The following CSMD1 variants were observed in gnomAD, a reference collection of about 807,000 sequenced individuals.
The protein encoded by CSMD1 is CUB and Sushi multiple domains 1.
CSMD1 carries 213 observed loss-of-function variants against 417.5 expected under a neutral mutation model. The observed-to-expected ratio is 0.51, with a 90% confidence interval of 0.46 to 0.57. CSMD1 has a LOEUF of 0.57. CSMD1 is among the 20% of genes least tolerant of loss of function. The probability of loss-of-function intolerance (pLI) is 0.00; values close to 1 mark genes in which losing one functional copy is unlikely to be tolerated. For synonymous variants in CSMD1, 2,862 were observed against 1,736.8 expected (o/e 1.65, Z -16.11); for missense variants, 6,923 against 4,529.7 (o/e 1.53, Z -15.17).
chr8:3,312,120 A>G (rs989692983), intron 23 of CSMD1, among the ~76,000 whole-genome samples: 4 of 152,196 alleles, frequency 2.6e-5, no homozygotes, highest in Non-Finnish European at 5.9e-5. Context: ...AGCAAAGAAA[A>G]AAGATGTATC....
chr8:3,848,744 A>G (rs1220485633), intron 5 of CSMD1, among the ~76,000 whole-genome samples: 1 of 152,110 alleles, frequency 6.6e-6, no homozygotes, highest in Non-Finnish European at 1.5e-5. Context: ...GTGGTCCTGA[A>G]CTACATGTGT....
intron 1 of CSMD1, among the ~76,000 whole-genome samples, chr8:4,766,435 T>A (rs1351918683): frequency 6.6e-6 from 1 of 152,168 alleles, no homozygotes; most frequent in Admixed American, 6.6e-5. Flanking sequence ...CGATCACGAA[T>A]ATATACAGAA....
At chr8:3,449,331 T>A (rs1395973566) in intron 12 of CSMD1, among the ~76,000 whole-genome samples, 1 of 152,140 alleles carries the variant, frequency 6.6e-6, no homozygotes, top group Non-Finnish European at 1.5e-5. Flanking sequence ...CAGCACAAAC[T>A]CAATATAATC....
chr8:4,242,148 C>T (rs1295556993), intron 3 of CSMD1, among the ~76,000 whole-genome samples: 1 of 152,092 alleles, frequency 6.6e-6, no homozygotes, highest in Non-Finnish European at 1.5e-5. Flanking sequence ...TAGCATATAT[C>T]CACCAAATTA....
At chr8:4,014,894 G>T (rs879759895) in intron 4 of CSMD1, among the ~76,000 whole-genome samples, 1 of 152,096 alleles carries the variant, frequency 6.6e-6, no homozygotes, top group Non-Finnish European at 1.5e-5. Flanking sequence ...AAAATAATGG[G>T]CAGAGCCACT....
intron 1 of CSMD1, among the ~76,000 whole-genome samples, chr8:4,992,400 G>C (rs1488208468): frequency 6.6e-6 from 1 of 152,238 alleles, no homozygotes; most frequent in African/African-American, 2.4e-5. Context: ...CGGAACTCGA[G>C]GGAACCGAGA....
At chr8:4,750,986 C>A (rs1811288966) in intron 1 of CSMD1, among the ~76,000 whole-genome samples, 1 of 152,182 alleles carries the variant, frequency 6.6e-6, no homozygotes, top group Non-Finnish European at 1.5e-5. Context: ...AAGGCTTTAA[C>A]CTGGATTGTC....
At chr8:3,209,882 A>T (rs1183686568) in intron 30 of CSMD1, among the ~76,000 whole-genome samples, 3 of 152,212 alleles carry the variant, frequency 2.0e-5, no homozygotes, top group African/African-American at 4.8e-5. Flanking sequence ...CATAAAAGCA[A>T]CCACATAGAA....
chr8:3,725,342 C>A (rs2623756), intron 6 of CSMD1, among the ~76,000 whole-genome samples: 42,047 of 151,990 alleles, frequency 0.28, 6,381 homozygotes, highest in African/African-American at 0.4. Context: ...CATATCCCTG[C>A]ATGGACAGGG....
At chr8:4,461,719 CTTATTTA>C (rs1563201184) in intron 2 of CSMD1, among the ~76,000 whole-genome samples, 6 of 144,570 alleles carry the variant, frequency 4.2e-5, no homozygotes, top group African/African-American at 1.3e-4. Flanking sequence ...GCCAGCTCAT[CTTATTTA>C]TTATTTATTT....
chr8:3,633,465 T>C (rs986487566), intron 7 of CSMD1, among the ~76,000 whole-genome samples: 2 of 152,210 alleles, frequency 1.3e-5, no homozygotes, highest in African/African-American at 2.4e-5. Context: ...AACATATGTA[T>C]AATACAAGTC....
chr8:4,037,707 A>T (rs1444527154), intron 3 of CSMD1, among the ~76,000 whole-genome samples: 1 of 152,188 alleles, frequency 6.6e-6, no homozygotes, highest in Non-Finnish European at 1.5e-5. Flanking sequence ...TGAATGAGAT[A>T]ACAGGTCTCC....
intron 1 of CSMD1, among the ~76,000 whole-genome samples, chr8:4,656,569 C>T (rs774413631): frequency 2.6e-5 from 4 of 151,758 alleles, no homozygotes; most frequent in Admixed American, 6.5e-5. Flanking sequence ...CTTGCAAATA[C>T]GATTGTTGTG....
chr8:3,454,453 G>C (rs1054787924), intron 12 of CSMD1, among the ~76,000 whole-genome samples: 2 of 152,184 alleles, frequency 1.3e-5, no homozygotes, highest in Admixed American at 6.5e-5. Flanking sequence ...GCTGGTACCG[G>C]TTGTTCCTTT....
At chr8:4,298,840 T>G (rs1053600950) in intron 3 of CSMD1, among the ~76,000 whole-genome samples, 1 of 152,138 alleles carries the variant, frequency 6.6e-6, no homozygotes, top group East Asian at 1.9e-4. Context: ...TAATAAAAAA[T>G]TATTTCTGGA....
chr8:4,006,707 C>A (rs964155089), intron 4 of CSMD1, among the ~76,000 whole-genome samples: 2 of 152,142 alleles, frequency 1.3e-5, no homozygotes, highest in Admixed American at 6.5e-5. Flanking sequence ...GTCAGAATAT[C>A]TGATTTCTAT....
At chr8:4,448,720 T>C (rs148096097) in intron 2 of CSMD1, among the ~76,000 whole-genome samples, 1 of 152,210 alleles carries the variant, frequency 6.6e-6, no homozygotes, top group African/African-American at 2.4e-5. Flanking sequence ...CCATTTCATC[T>C]TAATTTCACT....
chr8:3,247,892 A>G (rs1275374071), intron 26 of CSMD1, among the ~76,000 whole-genome samples: 5 of 152,222 alleles, frequency 3.3e-5, no homozygotes, highest in African/African-American at 1.2e-4. Context: ...GAATCCATGC[A>G]TTTTCATAGT....
rs573772129 is a variant in CSMD1 at position 3,883,034 on chromosome 8, C to T, written c.818+114869G>A. Among the ~76,000 whole-genome samples, 274 of 152,230 alleles carry T rather than the reference C, an allele frequency of 1.8e-3. 1 individual carries two copies. Among genetic ancestry groups the T allele is most frequent in the Non-Finnish European group, 1.7e-3 (114 of 68,014 alleles). On this transcript the variant is annotated intron_variant, in intron 5 of 69. Transcript: ENST00000635120. ...CATATTTTATCCTGAACCAATAAAA[C>T]GCCTGAACATATCTAAGAGCCACTG... is the stretch of plus-strand genomic sequence containing the variant.
Sources: allele counts gnomAD v4.1 joint callset (sites outside exome capture counted in the v4.1 genomes callset), GRCh38; gene constraint gnomAD v4.1.1; transcripts MANE v1.5; gene names NCBI Gene and HGNC (gene_info 2026-07-23, HGNC 2026-07-21).